SUGT1: variants seen among roughly 807,000 people sequenced by gnomAD.
The protein encoded by SUGT1 is SGT1 assembly cochaperone of MIS12 kinetochore complex.
Under a neutral mutation model 56.1 loss-of-function variants are expected in SUGT1, and 15 were observed. That is an observed-to-expected ratio of 0.27 (90% CI 0.18 to 0.41). SUGT1 has a LOEUF of 0.41. SUGT1 is among the 10% of genes least tolerant of loss of function. The probability of loss-of-function intolerance (pLI) is 1.00; values close to 1 mark genes in which losing one functional copy is unlikely to be tolerated. For missense variants in SUGT1, 347 were observed against 382.2 expected (o/e 0.91, Z 0.77); for synonymous variants, 123 against 128.6 (o/e 0.96, Z 0.30).
chr13:52,659,814 A>ATATATATATATATAT (rs1555271105), intron 5 of SUGT1, among the ~76,000 whole-genome samples: 1 of 58,726 alleles, frequency 1.7e-5, no homozygotes, highest in Non-Finnish European at 2.9e-5. Context: ...ATATATATAT[A>ATATATATATATATAT]TTTTTTTTTT....
At chr13:52,676,444 A>G (rs879647761) in intron 11 of SUGT1, 124 bp downstream of exon 11, 6 of 769,312 alleles carry the variant, frequency 7.8e-6, no homozygotes, top group African/African-American at 1.8e-5. Flanking sequence ...ATTGAGTATA[A>G]TAAGGTTGCT....
chr13:52,656,591 A>T (rs1962178747), intron 2 of SUGT1, among the ~76,000 whole-genome samples: 3 of 152,198 alleles, frequency 2.0e-5, no homozygotes. Flanking sequence ...CTACAAAGTG[A>T]GGCCCTTAAA....
chr13:52,660,632 G>A (rs1229552114), intron 5 of SUGT1, among the ~76,000 whole-genome samples: 1 of 152,104 alleles, frequency 6.6e-6, no homozygotes, highest in African/African-American at 2.4e-5. Flanking sequence ...GGGTGATAAG[G>A]CTTATTCTCA....
rs908282949 is a variant in SUGT1 at position 52,696,500 on chromosome 13, C to A, written c.*8665C>A. ...TGGATCTTTGATACATAGCGTAGTG[C>A]CTTTCACATAGTATGTACTCAAATA... On this transcript the variant is annotated 3_prime_UTR_variant, in exon 13 of 13. Coordinates refer to ENST00000310528, the MANE Select transcript of SUGT1 (RefSeq NM_006704.5). 2 of 152,120 alleles carry A rather than the reference C, an allele frequency of 1.3e-5. No homozygotes were observed. Among genetic ancestry groups the A allele is most frequent in the African/African-American group, 4.8e-5 (2 of 41,400 alleles). The allele number at this position is 152,120 out of a possible 1,614,324, so 9.4% of individuals were successfully genotyped here. A position where few individuals can be genotyped will look rare whatever the true frequency, so the allele number is the denominator to read the frequency against.
chr13:52,674,159 A>G (rs1963054282), intron 10 of SUGT1, among the ~76,000 whole-genome samples: 1 of 149,806 alleles, frequency 6.7e-6, no homozygotes, highest in Admixed American at 6.7e-5. Flanking sequence ...GATTCAAGCA[A>G]TTCTGTCTCA....
At chr13:52,659,294 C>CT (rs1266422019) in intron 5 of SUGT1, 45 bp downstream of exon 5, 2 of 1,210,420 alleles carry the variant, frequency 1.7e-6, no homozygotes, top group African/African-American at 3.3e-5. Flanking sequence ...CTATTTCTGT[C>CT]TTAAATACCA....
intron 2 of SUGT1, among the ~76,000 whole-genome samples, chr13:52,653,726 G>T (rs1276307263): frequency 6.6e-6 from 1 of 152,126 alleles, no homozygotes; most frequent in Non-Finnish European, 1.5e-5. Flanking sequence ...AGCTGTAAAG[G>T]AATGTAAAAG....
In SUGT1 at chr13:52,652,859, G is replaced by A. The variant is rs942124237; in HGVS notation, c.-62G>A. 1.9e-6 allele frequency: 3 copies of A among 1,585,874 alleles called. No individual in the cohort carries two copies. In the East Asian group the frequency reaches 6.9e-5, roughly 36 times the overall value. On this transcript the variant is annotated 5_prime_UTR_variant, in exon 1 of 13. Coordinates refer to ENST00000310528, the MANE Select transcript of SUGT1 (RefSeq NM_006704.5). ...TTCTCCAGAAGTTTCCCCCTTGGGC[G>A]GTGGTGGAGGTGGTAACCGTGATAG...
At chr13:52,676,043 T>C (rs563113054) in intron 10 of SUGT1, among the ~76,000 whole-genome samples, 187 bp from the exon 11 acceptor site, 15 of 152,350 alleles carry the variant, frequency 9.8e-5, no homozygotes, top group Admixed American at 7.2e-4. Flanking sequence ...TTGTTTTTTT[T>C]CAAGGGTGAA....
intron 5 of SUGT1, 45 bp downstream of exon 5, chr13:52,659,294 C>A: frequency 8.3e-7 from 1 of 1,210,530 alleles, no homozygotes; most frequent in Non-Finnish European, 1.1e-6. Context: ...CTATTTCTGT[C>A]TTAAATACCA....
intron 8 of SUGT1, among the ~76,000 whole-genome samples, chr13:52,665,091 T>G (rs1217031971): frequency 6.6e-6 from 1 of 152,194 alleles, no homozygotes; most frequent in East Asian, 1.9e-4. Flanking sequence ...CTGACACAGT[T>G]AAACTTCATA....
intron 5 of SUGT1, among the ~76,000 whole-genome samples, chr13:52,662,258 G>A (rs889375368): frequency 2.0e-5 from 3 of 152,130 alleles, no homozygotes; most frequent in African/African-American, 7.2e-5. Flanking sequence ...CCTCAACTCA[G>A]CTCCCAGTTA....
chr13:52,694,623 A>G lies in SUGT1; in HGVS notation c.*6788A>G, dbSNP rs927183073. The stretch of plus-strand genomic sequence containing the variant: ...AAAAATACAAGGTACAAAATCACGC[A>G]GTTTATAAACCACAGATTGTCTTGT... On this transcript the variant is annotated 3_prime_UTR_variant, in exon 13 of 13. Coordinates refer to ENST00000310528, the MANE Select transcript of SUGT1 (RefSeq NM_006704.5). The G allele has an allele frequency of 3.3e-5, 5 of 152,256 alleles. No individual in the cohort carries two copies. The highest frequency in any genetic ancestry group is 2.0e-4 in the Admixed American group (3 of 15,286). 9.4% of individuals were successfully genotyped at this position (152,256 alleles called of 1,614,324 possible).
Position 52,652,961 on chromosome 13 carries a change from G to T in SUGT1, c.38+3G>T, listed in dbSNP as rs912583790. 1 of 1,614,228 alleles carries T rather than the reference G, an allele frequency of 6.2e-7. No homozygotes were observed. The highest frequency in any genetic ancestry group is 8.5e-7 in the Non-Finnish European group (1 of 1,180,016). On this transcript the variant is annotated splice_donor_region_variant and intron_variant, in intron 1 of 12. Transcript: ENST00000310528. The stretch of plus-strand genomic sequence containing the variant: ...GCAGGAACTGCAACATCCCAGAGGT[G>T]CATGTTTTTCTTTCCCTTTGGTATT...
At chr13:52,654,767 T>A (rs944366414) in intron 2 of SUGT1, among the ~76,000 whole-genome samples, 2 of 152,268 alleles carry the variant, frequency 1.3e-5, no homozygotes, top group East Asian at 1.9e-4. Flanking sequence ...AAGTAGTAGT[T>A]CTTTCGCATT....
At chr13:52,662,766 G>T in intron 6 of SUGT1, 64 bp downstream of exon 6, 1 of 1,531,008 alleles carries the variant, frequency 6.5e-7, no homozygotes, top group Non-Finnish European at 8.9e-7. Flanking sequence ...AAATTTTTTT[G>T]GTTTAAACAA....
chr13:52,662,516 A>C (rs562826417), intron 5 of SUGT1, 133 bp from the exon 6 acceptor site: 1 of 700,512 alleles, frequency 1.4e-6, no homozygotes, highest in African/African-American at 1.8e-5. Context: ...AAGGTCTGTT[A>C]AGACAGGTTT....
chr13:52,665,484 AGTT>A (rs1962657347), intron 8 of SUGT1, among the ~76,000 whole-genome samples, 150 bp from the exon 9 acceptor site: 1 of 132,826 alleles, frequency 7.5e-6, no homozygotes, highest in African/African-American at 2.9e-5. Flanking sequence ...ATAAAAAACT[AGTT>A]ATATAAAGTT....
At position 52,695,555 on chromosome 13, in the gene SUGT1, C is replaced by T. The variant is rs894196860; in HGVS notation, c.*7720C>T. 1.4e-4 allele frequency: 21 copies of T among 152,054 alleles called. No individual in the cohort carries two copies. The highest frequency in any genetic ancestry group is 4.3e-4 in the African/African-American group (18 of 41,388). 9.4% of individuals were successfully genotyped at this position (152,054 alleles called of 1,614,324 possible). ...AATAAATGCTACTTAAATGTAAAGTCCTTGATTTATTTTTTCCCCTCAGTC... is the reference window on the plus strand; with the variant it reads ...AATAAATGCTACTTAAATGTAAAGTTCTTGATTTATTTTTTCCCCTCAGTC... On this transcript the variant is annotated 3_prime_UTR_variant, in exon 13 of 13. Transcript: ENST00000310528.
Sources: gnomAD v4.1 joint callset for allele counts (sites outside exome capture counted in the v4.1 genomes callset) on GRCh38, gnomAD v4.1.1 for gene constraint, MANE v1.5 for transcripts, NCBI Gene and HGNC (gene_info 2026-07-23, HGNC 2026-07-21) for gene names.